Variants in SH3KBP1 observed in about 807,000 individuals in gnomAD.
SH3KBP1 encodes the protein SH3 domain containing kinase binding protein 1.
SH3KBP1 carries 8 observed loss-of-function variants against 50.1 expected under a neutral mutation model. That is an observed-to-expected ratio of 0.16 (90% CI 0.09 to 0.29). The LOEUF (loss-of-function observed/expected upper bound fraction) is 0.29. Ranked by LOEUF, SH3KBP1 falls within the 10% of genes least tolerant of loss-of-function variation. SH3KBP1 has a pLI of 1.00. For synonymous variants in SH3KBP1, 227 were observed against 218.6 expected, an observed-to-expected ratio of 1.04 and a Z score of -0.34; for missense variants, 377 against 535.2, an observed-to-expected ratio of 0.70 and a Z score of 2.92.
At chrX:19,566,416 G>C (rs1324360879) in intron 13 of SH3KBP1, among the ~76,000 whole-genome samples, 1 of 105,934 alleles carries the variant, frequency 9.4e-6, no homozygotes, top group Non-Finnish European at 1.9e-5. Context: ...AGAATGCAAA[G>C]GTCAAAGGTG....
At chrX:19,817,135 G>A (rs952854188) in intron 2 of SH3KBP1, among the ~76,000 whole-genome samples, 9 of 111,871 alleles carry the variant, frequency 8.0e-5, no homozygotes, top group African/African-American at 2.9e-4. Flanking sequence ...ATCTATATGT[G>A]TATTCCTGTG....
At chrX:19,764,720 T>C (rs2065537246) in intron 2 of SH3KBP1, among the ~76,000 whole-genome samples, 1 of 110,995 alleles carries the variant, frequency 9.0e-6, no homozygotes, top group Non-Finnish European at 1.9e-5. Context: ...TCAAGTCCTA[T>C]GTCGGGGGTA....
At chrX:19,766,971 C>T (rs181249676) in intron 2 of SH3KBP1, among the ~76,000 whole-genome samples, 2 of 111,380 alleles carry the variant, frequency 1.8e-5, no homozygotes, top group Non-Finnish European at 3.8e-5. Flanking sequence ...AGAACGTGGA[C>T]ACCTTTGAGG....
chrX:19,721,443 C>T (rs1400568221), intron 3 of SH3KBP1, among the ~76,000 whole-genome samples: 1 of 111,927 alleles, frequency 8.9e-6, no homozygotes, highest in Admixed American at 9.5e-5. Context: ...CTATCATTTA[C>T]ACTCACCCCT....
chrX:19,832,849 C>T (rs1437712670), intron 2 of SH3KBP1, among the ~76,000 whole-genome samples: 1 of 111,929 alleles, frequency 8.9e-6, no homozygotes, highest in East Asian at 2.8e-4. Flanking sequence ...CCTCTCCGAG[C>T]AGGGGGAGGG....
At chrX:19,610,889 C>CT (rs1198162600) in intron 8 of SH3KBP1, among the ~76,000 whole-genome samples, 4 of 111,531 alleles carry the variant, frequency 3.6e-5, no homozygotes, top group South Asian at 3.8e-4. Context: ...AAAAAACTAT[C>CT]TTTTTTTGCA....
At chrX:19,707,860 G>T (rs1188816705) in intron 3 of SH3KBP1, among the ~76,000 whole-genome samples, 1 of 112,023 alleles carries the variant, frequency 8.9e-6, no homozygotes, top group Non-Finnish European at 1.9e-5. Flanking sequence ...CAGACAGACA[G>T]ACAGACAGAC....
intron 6 of SH3KBP1, chrX:19,670,952 C>T (rs760544086): frequency 1.2e-5 from 14 of 1,128,610 alleles, no homozygotes; most frequent in South Asian, 8.8e-5. Flanking sequence ...TCCAACAGCA[C>T]GGAGCCTGAG....
intron 12 of SH3KBP1, among the ~76,000 whole-genome samples, chrX:19,586,464 G>A (rs2066569725): frequency 8.9e-6 from 1 of 112,298 alleles, no homozygotes; most frequent in African/African-American, 3.2e-5. Context: ...ATTCTTTTCG[G>A]AAGCACTTTG....
At chrX:19,740,150 C>T (rs1017694210) in intron 3 of SH3KBP1, among the ~76,000 whole-genome samples, 6 of 111,368 alleles carry the variant, frequency 5.4e-5, no homozygotes, top group Non-Finnish European at 7.5e-5. Flanking sequence ...TCAATAGGTT[C>T]AGAAAATAAC....
chrX:19,590,809 ATTTTTTTTTTT>A (rs34366083), intron 11 of SH3KBP1, among the ~76,000 whole-genome samples: 92 of 23,761 alleles, frequency 3.9e-3, no homozygotes, highest in African/African-American at 8.1e-3. Flanking sequence ...AGGCCTGGCT[ATTTTTTTTTTT>A]TTTTTTTTTT....
rs190369194 is a variant in SH3KBP1, at chrX:19,837,515, C to T, written c.5-1233G>A. Among the ~76,000 whole-genome samples the T allele has an allele frequency of 1.6e-3, 143 of 90,762 alleles. 1 individual carries two copies. The highest frequency in any genetic ancestry group is 6.1e-3 in the African/African-American group (137 of 22,477). The allele number at this position is 90,762 out of a possible 115,157, so 78.8% of individuals were successfully genotyped here. A position where few individuals can be genotyped will look rare whatever the true frequency, so the allele number is the denominator to read the frequency against. ...ATGGAGTCTCACTCTGTCACCCAGG[C>T]TGGACTGCAGTGGCGCAATCTCAGC... is the stretch of plus-strand genomic sequence containing the variant. On this transcript the variant is annotated intron_variant, in intron 1 of 17. Coordinates refer to ENST00000397821, the MANE Select transcript of SH3KBP1 (RefSeq NM_031892.3).
chrX:19,733,355 T>C (rs994515697), intron 3 of SH3KBP1, among the ~76,000 whole-genome samples: 36 of 110,076 alleles, frequency 3.3e-4, no homozygotes, highest in African/African-American at 1.1e-3. Flanking sequence ...TAGTTAACCA[T>C]ATTAAGAATG....
chrX:19,823,967 T>A (rs759037353), intron 2 of SH3KBP1, among the ~76,000 whole-genome samples: 1 of 111,221 alleles, frequency 9.0e-6, no homozygotes, highest in African/African-American at 3.3e-5. Flanking sequence ...ACTACAGGCA[T>A]GGACCACCAC....
chrX:19,709,836 G>C (rs919111208), intron 3 of SH3KBP1, among the ~76,000 whole-genome samples: 2 of 112,134 alleles, frequency 1.8e-5, no homozygotes, highest in African/African-American at 6.5e-5. Context: ...ACTTAAGGAA[G>C]TCTAAGAAAG....
intron 12 of SH3KBP1, among the ~76,000 whole-genome samples, chrX:19,580,271 T>C (rs1039553243): frequency 4.5e-5 from 5 of 111,633 alleles, no homozygotes; most frequent in Non-Finnish European, 7.5e-5. Flanking sequence ...TACATACACA[T>C]ACACACATAT....
intron 1 of SH3KBP1, among the ~76,000 whole-genome samples, chrX:19,856,912 C>CCTATCACTAGTTTCTTTT (rs1302509623): frequency 1.1e-5 from 1 of 93,207 alleles, no homozygotes; most frequent in Non-Finnish European, 2.1e-5. Flanking sequence ...ATGTTTCTTT[C>CCTATCACTAGTTTCTTTT]CTATCACTAG....
At chrX:19,692,623 ACG>A (rs753184387) in intron 5 of SH3KBP1, among the ~76,000 whole-genome samples, 23 of 64,757 alleles carry the variant, frequency 3.6e-4, no homozygotes, top group African/African-American at 1.3e-3. Flanking sequence ...ATATATACAT[ACG>A]TGTGTGTGTG....
chrX:19,722,075 A>G (rs1160637273), intron 3 of SH3KBP1, among the ~76,000 whole-genome samples: 3 of 112,323 alleles, frequency 2.7e-5, no homozygotes, highest in South Asian at 3.6e-4. Context: ...AGCAGTAAAC[A>G]TAACATTTGG....
Sources: allele counts gnomAD v4.1 joint callset (sites outside exome capture counted in the v4.1 genomes callset), GRCh38; gene constraint gnomAD v4.1.1; transcripts MANE v1.5; gene names NCBI Gene and HGNC (gene_info 2026-07-23, HGNC 2026-07-21).